The following TRAPPC13 variants were observed in gnomAD, a reference collection of about 807,000 sequenced individuals.
TRAPPC13 encodes REV7-interacting novel NHEJ regulator 1.
In TRAPPC13, 39 loss-of-function variants were observed where a neutral mutation model predicts 54.0. The observed-to-expected ratio is 0.72, with a 90% CI of 0.56 to 0.94. TRAPPC13 has a LOEUF of 0.94. TRAPPC13 is among the 40% of genes least tolerant of loss of function. The pLI, the probability that TRAPPC13 is intolerant of heterozygous loss-of-function variation, is 0.00. For missense variants in TRAPPC13, 386 were observed against 488.1 expected (o/e 0.79, Z 1.97); for synonymous variants, 148 against 167.7 (o/e 0.88, Z 0.91).
At chr5:65,661,730 G>A in intron 10 of TRAPPC13, 1 of 202,484 alleles carries the variant, frequency 4.9e-6, no homozygotes, top group Non-Finnish European at 9.8e-6. Flanking sequence ...TACACACATA[G>A]AAGCTACAGC....
In TRAPPC13 at chr5:65,647,096, C is replaced by G; in HGVS notation, c.342C>G (p.Ala114=). Residue 114 remains alanine (A), a synonymous_variant, in exon 5 of 13, where the codon GCC becomes GCG. Coordinates refer to ENST00000399438, the MANE Select transcript of TRAPPC13 (RefSeq NM_024941.4). ...GTTCTCAGCGTTTAAATCTTTCAGCCTCCAATGCTGCAGTGGCTGAACTTA... is the reference window on the plus strand; with the variant it reads ...GTTCTCAGCGTTTAAATCTTTCAGCGTCCAATGCTGCAGTGGCTGAACTTA... ...QTSSQRLNLS[A]SNAAVAELKP... 1 of 1,557,716 alleles carries G rather than the reference C, an allele frequency of 6.4e-7. No homozygotes were observed.
intron 5 of TRAPPC13, among the ~76,000 whole-genome samples, chr5:65,650,556 T>C (rs1756390117): frequency 6.6e-6 from 1 of 152,224 alleles, no homozygotes; most frequent in Admixed American, 6.5e-5. Context: ...TGGAATATAT[T>C]TCACCTTTCA....
chr5:65,645,553 C>T (rs1756159157), intron 4 of TRAPPC13, among the ~76,000 whole-genome samples: 1 of 152,104 alleles, frequency 6.6e-6, no homozygotes, highest in Non-Finnish European at 1.5e-5. Context: ...GCCTGTAATC[C>T]CAGCACTTTG....
chr5:65,659,811 T>C (rs1422899150), intron 9 of TRAPPC13, among the ~76,000 whole-genome samples: 1 of 151,866 alleles, frequency 6.6e-6, no homozygotes, highest in East Asian at 1.9e-4. Flanking sequence ...TGGCATTTTT[T>C]TTATTTAGCT....
At chr5:65,646,616 G>A (rs930518086) in intron 4 of TRAPPC13, among the ~76,000 whole-genome samples, 3 of 151,988 alleles carry the variant, frequency 2.0e-5, no homozygotes, top group Admixed American at 2.0e-4. Context: ...ACATAAAATG[G>A]TGAAAAAACA....
chr5:65,649,097 T>G (rs1756316894), intron 5 of TRAPPC13, among the ~76,000 whole-genome samples: 1 of 152,100 alleles, frequency 6.6e-6, no homozygotes, highest in South Asian at 2.1e-4. Flanking sequence ...ATGCCTGTAG[T>G]CTCAGCTAGT....
rs1561773607 is a variant in TRAPPC13, at chr5:65,651,859, T to TG, written c.502-642_502-641insG. Among the ~76,000 whole-genome samples the TG allele has an allele frequency of 2.4e-3, 265 of 111,420 alleles. 3 individuals are homozygous for TG. Among genetic ancestry groups the TG allele is most frequent in the African/African-American group, 0.01 (249 of 24,340 alleles). 73.1% of individuals were successfully genotyped at this position (111,420 alleles called of 152,430 possible). On this transcript the variant is annotated intron_variant, in intron 6 of 12. Coordinates refer to ENST00000399438, the MANE Select transcript of TRAPPC13 (RefSeq NM_024941.4). Reference sequence around the variant, plus strand: ...GTGATTCAGTTTTTTTTTTTTTTTTTTTTTTTTTTTTTTTTTTTTTTGAGA... The same window carrying TG: ...GTGATTCAGTTTTTTTTTTTTTTTTTGTTTTTTTTTTTTTTTTTTTTTGAGA...
intron 1 of TRAPPC13, among the ~76,000 whole-genome samples, chr5:65,626,492 A>T (rs752834353): frequency 5.9e-5 from 9 of 152,166 alleles, no homozygotes; most frequent in Non-Finnish European, 1.3e-4. Flanking sequence ...TAATCCCAGC[A>T]GTTTGGGAGG....
intron 1 of TRAPPC13, chr5:65,630,412 T>A: frequency 7.1e-7 from 1 of 1,403,498 alleles, no homozygotes; most frequent in Non-Finnish European, 9.2e-7. Flanking sequence ...AAAATAATTT[T>A]TACAGGTTTT....
intron 1 of TRAPPC13, chr5:65,629,358 A>G: frequency 1.3e-6 from 1 of 767,330 alleles, no homozygotes; most frequent in Non-Finnish European, 1.8e-6. Context: ...CACTTTGGTA[A>G]AATACCACAT....
At chr5:65,637,401 G>C (rs183945537) in intron 3 of TRAPPC13, among the ~76,000 whole-genome samples, 171 of 152,264 alleles carry the variant, frequency 1.1e-3, no homozygotes, top group African/African-American at 3.9e-3. Flanking sequence ...AGAGACTGAG[G>C]CGGGCGGATC....
intron 1 of TRAPPC13, chr5:65,625,418 A>G (rs1420666574): frequency 5.4e-6 from 2 of 372,954 alleles, no homozygotes; most frequent in Non-Finnish European, 9.7e-6. Context: ...GCGGGCATCC[A>G]AAGTGCTTTT....
intron 1 of TRAPPC13, among the ~76,000 whole-genome samples, chr5:65,634,134 C>T (rs1227102012): frequency 5.3e-5 from 8 of 151,842 alleles, no homozygotes; most frequent in African/African-American, 1.9e-4. Context: ...TACAGGCACC[C>T]GCCACCACGC....
intron 5 of TRAPPC13, among the ~76,000 whole-genome samples, chr5:65,650,207 G>A (rs1474268663): frequency 8.1e-6 from 1 of 123,590 alleles, no homozygotes. Context: ...TGTTGCTCAG[G>A]CTGGAGTGCA....
chr5:65,633,498 G>A (rs971515476), intron 1 of TRAPPC13, among the ~76,000 whole-genome samples: 2 of 151,962 alleles, frequency 1.3e-5, no homozygotes, highest in Non-Finnish European at 2.9e-5. Context: ...TCGATCTCCT[G>A]ACCTCGTGAT....
chr5:65,664,215 A>G (rs1487937469), intron 11 of TRAPPC13, 22 bp from the exon 12 acceptor site: 2 of 1,609,006 alleles, frequency 1.2e-6, no homozygotes, highest in Non-Finnish European at 1.7e-6. Context: ...ATTTATTCCT[A>G]TTATTCTGAT....
chr5:65,661,851 G>A, intron 10 of TRAPPC13, 199 bp from the exon 11 acceptor site: 3 of 476,726 alleles, frequency 6.3e-6, no homozygotes, highest in East Asian at 7.2e-5. Context: ...AAACAGTCCA[G>A]GTCTGCCAGG....
intron 1 of TRAPPC13, among the ~76,000 whole-genome samples, chr5:65,628,875 T>C (rs1755385737): frequency 6.6e-6 from 1 of 151,590 alleles, no homozygotes; most frequent in Non-Finnish European, 1.5e-5. Flanking sequence ...CCAGGCTGAG[T>C]GGCATGATCT....
At chr5:65,657,315 G>A (rs1186053094) in intron 8 of TRAPPC13, among the ~76,000 whole-genome samples, 4 of 152,154 alleles carry the variant, frequency 2.6e-5, no homozygotes, top group Admixed American at 2.0e-4. Flanking sequence ...CCGGGAGGCG[G>A]AGGTTGCAGT....
Sources: allele counts gnomAD v4.1 joint callset (sites outside exome capture counted in the v4.1 genomes callset), GRCh38; gene constraint gnomAD v4.1.1; transcripts MANE v1.5; gene names NCBI Gene and HGNC (gene_info 2026-07-23, HGNC 2026-07-21).